Variants in CERS6 observed in about 807,000 individuals in gnomAD.
CERS6 encodes LAG1 homolog, ceramide synthase 6.
In CERS6, 26 loss-of-function variants were observed where a neutral mutation model predicts 56.8. The ratio of observed to expected loss-of-function variants is 0.46; its 90% CI spans 0.34 to 0.63. The LOEUF (loss-of-function observed/expected upper bound fraction) is 0.63, where lower values mean the gene tolerates loss of function less well. CERS6 is among the 30% of genes least tolerant of loss of function. The pLI, the probability that CERS6 is intolerant of heterozygous loss-of-function variation, is 0.01. For synonymous variants in CERS6, 164 were observed against 173.3 expected (o/e 0.95, Z 0.42); for missense variants, 415 against 467.5 (o/e 0.89, Z 1.04).
intron 5 of CERS6, 32 bp downstream of exon 5, chr2:168,691,116 CA>C (rs1159933799): frequency 1.3e-6 from 2 of 1,591,016 alleles, no homozygotes; most frequent in Non-Finnish European, 8.6e-7. Flanking sequence ...GGTTTTTACA[CA>C]CATTAAGTAT....
At chr2:168,521,314 T>A (rs1358053882) in intron 1 of CERS6, among the ~76,000 whole-genome samples, 2 of 152,294 alleles carry the variant, frequency 1.3e-5, no homozygotes, top group East Asian at 3.9e-4. Flanking sequence ...AGAGCCCTTT[T>A]TTTGTTCCTA....
intron 4 of CERS6, among the ~76,000 whole-genome samples, chr2:168,647,089 AG>A (rs1439714241): frequency 6.6e-6 from 1 of 152,192 alleles, no homozygotes; most frequent in East Asian, 1.9e-4. Flanking sequence ...ATAGTTTGAT[AG>A]GAATAATATT....
At chr2:168,526,262 A>G (rs1695069241) in intron 1 of CERS6, among the ~76,000 whole-genome samples, 3 of 152,128 alleles carry the variant, frequency 2.0e-5, no homozygotes, top group Non-Finnish European at 4.4e-5. Flanking sequence ...TGTTAGCTTC[A>G]AAGTTTGCTC....
intron 1 of CERS6, among the ~76,000 whole-genome samples, chr2:168,490,505 T>A (rs979666971): frequency 5.3e-5 from 8 of 152,134 alleles, no homozygotes; most frequent in African/African-American, 1.9e-4. Context: ...TTCTTTACAT[T>A]TGACTCCTCC....
chr2:168,636,318 A>G (rs1684859402), intron 4 of CERS6, among the ~76,000 whole-genome samples: 1 of 152,220 alleles, frequency 6.6e-6, no homozygotes, highest in South Asian at 2.1e-4. Context: ...AACAACTTAG[A>G]TAAGTTTTAA....
At chr2:168,461,715 G>T (rs529549659) in intron 1 of CERS6, among the ~76,000 whole-genome samples, 17 of 152,342 alleles carry the variant, frequency 1.1e-4, no homozygotes, top group Admixed American at 2.6e-4. Context: ...CCTTAGAATG[G>T]TGGAGGAGGT....
At chr2:168,724,972 G>A (rs368130679) in intron 8 of CERS6, among the ~76,000 whole-genome samples, 18 of 152,314 alleles carry the variant, frequency 1.2e-4, no homozygotes, top group East Asian at 7.7e-4. Context: ...TGGAGGCTCC[G>A]TCCCCACAGG....
At chr2:168,463,919 A>C (rs1013583250) in intron 1 of CERS6, among the ~76,000 whole-genome samples, 1 of 152,058 alleles carries the variant, frequency 6.6e-6, no homozygotes, top group African/African-American at 2.4e-5. Context: ...AAAACAAAAA[A>C]ATTTTTTGCT....
At chr2:168,753,662 C>T (rs1221885972) in intron 8 of CERS6, among the ~76,000 whole-genome samples, 2 of 152,136 alleles carry the variant, frequency 1.3e-5, no homozygotes, top group Non-Finnish European at 2.9e-5. Context: ...AGACTGCAGG[C>T]CTAGGATACA....
At chr2:168,501,454 T>C (rs537390640) in intron 1 of CERS6, among the ~76,000 whole-genome samples, 107 of 152,324 alleles carry the variant, frequency 7.0e-4, no homozygotes, top group African/African-American at 2.3e-3. Flanking sequence ...TCTCCCACCT[T>C]GTGGTGGTTG....
chr2:168,469,490 T>G (rs28484879), intron 1 of CERS6, among the ~76,000 whole-genome samples: 18,240 of 152,060 alleles, frequency 0.12, 1,290 homozygotes, highest in African/African-American at 0.2. Context: ...CAGTCATCAT[T>G]TAGGGTCATA....
At chr2:168,660,675 A>G (rs1685606638) in intron 4 of CERS6, among the ~76,000 whole-genome samples, 1 of 151,746 alleles carries the variant, frequency 6.6e-6, no homozygotes, top group African/African-American at 2.4e-5. Context: ...CAGTGCCATC[A>G]TTATCTTTGG....
At chr2:168,480,336 T>C (rs950021455) in intron 1 of CERS6, among the ~76,000 whole-genome samples, 1 of 152,210 alleles carries the variant, frequency 6.6e-6, no homozygotes, top group Non-Finnish European at 1.5e-5. Context: ...TAAATAACAA[T>C]AGATAATGTG....
intron 9 of CERS6, among the ~76,000 whole-genome samples, chr2:168,766,145 C>T (rs1435339770): frequency 6.6e-6 from 1 of 152,132 alleles, no homozygotes; most frequent in African/African-American, 2.4e-5. Context: ...CAAATCTGTT[C>T]ATGACTTCCA....
At position 168,481,391 on chromosome 2, in the gene CERS6, G is replaced by A. The variant is rs371354171; in HGVS notation, c.170+24773G>A. 1.8e-4 allele frequency among the ~76,000 whole-genome samples: 28 copies of A among 152,246 alleles called. 1 individual carries two copies. In the East Asian group the frequency reaches 2.5e-3, roughly 14 times the overall value. ...ACTGTGCCACTGCACTCCAGCCTGG[G>A]CAACAGAGGGAGACTCCGTCTCAAA... On this transcript the variant is annotated intron_variant, in intron 1 of 9. Coordinates refer to ENST00000305747, the MANE Select transcript of CERS6 (RefSeq NM_203463.3).
chr2:168,518,921 A>T (rs1694930777), intron 1 of CERS6, among the ~76,000 whole-genome samples: 1 of 151,314 alleles, frequency 6.6e-6, no homozygotes, highest in African/African-American at 2.4e-5. Flanking sequence ...CCCTCCTCCC[A>T]CCCACCTCCT....
At chr2:168,592,962 G>GTTACTTCTGCAGAAGCTGTA (rs2105404503) in intron 3 of CERS6, among the ~76,000 whole-genome samples, 1 of 152,298 alleles carries the variant, frequency 6.6e-6, no homozygotes, top group East Asian at 1.9e-4. Context: ...ACCTAGCTGT[G>GTTACTTCTGCAGAAGCTGTA]TTACTTCTGC....
rs144904851 is a variant in CERS6, at chr2:168,549,688, A to G, written c.276+1987A>G. The stretch of plus-strand genomic sequence containing the variant: ...TTGCTTCTAGCTAATTTGAATGATC[A>G]TATTCTTTTAGTTTCCAAGGTGATT... On this transcript the variant is annotated intron_variant, in intron 2 of 9. Transcript: ENST00000305747. 1.2e-3 allele frequency among the ~76,000 whole-genome samples: 188 copies of G among 152,300 alleles called. 5 individuals carry two copies. The highest frequency in any genetic ancestry group is 0.012 in the East Asian group (60 of 5,192).
rs980795792 is a variant in CERS6, at chr2:168,456,687, C to T, written c.170+69C>T. 2.2e-5 allele frequency: 32 copies of T among 1,464,584 alleles called. No individual in the cohort carries two copies. Among genetic ancestry groups the T allele is most frequent in the Non-Finnish European group, 2.8e-5 (30 of 1,068,902 alleles). 90.7% of individuals were successfully genotyped at this position (1,464,584 alleles called of 1,614,324 possible). A position where few individuals can be genotyped will look rare whatever the true frequency, so the allele number is the denominator to read the frequency against. On this transcript the variant is annotated intron_variant, in intron 1 of 9. Coordinates refer to ENST00000305747, the MANE Select transcript of CERS6 (RefSeq NM_203463.3). The surrounding 1 kb of genome is among the most constrained non-coding windows in gnomAD (Gnocchi z 4.1). ...ACACGCGCGCACACACTCGCGCGCT[C>T]TCTGGCGCACGCCCCCGCGCCCCCA...
Sources: allele counts gnomAD v4.1 joint callset (sites outside exome capture counted in the v4.1 genomes callset), GRCh38; gene constraint gnomAD v4.1.1; non-coding constraint Gnocchi (gnomAD v3.1); transcripts MANE v1.5; gene names NCBI Gene and HGNC (gene_info 2026-07-23, HGNC 2026-07-21).